DNM2: variants seen among roughly 807,000 people sequenced by gnomAD.
The protein encoded by DNM2 is dynamin-2.
A neutral mutation model predicts 99.0 loss-of-function variants in DNM2; 15 were observed. That is an observed-to-expected ratio of 0.15 (90% confidence interval 0.10 to 0.23). The LOEUF (loss-of-function observed/expected upper bound fraction) is 0.23. Ranked by LOEUF, DNM2 falls within the 10% of genes least tolerant of loss-of-function variation. DNM2 has a pLI of 1.00. For missense variants in DNM2, 742 were observed against 1,189.4 expected (o/e 0.62, Z 5.53); for synonymous variants, 525 against 481.2 (o/e 1.09, Z -1.19).
intron 5 of DNM2, among the ~76,000 whole-genome samples, chr19:10,777,752 G>A (rs2071201908): frequency 6.6e-6 from 1 of 151,902 alleles, no homozygotes; most frequent in Admixed American, 6.6e-5. Context: ...GCACCACCAC[G>A]CCCAGCTAGT....
chr19:10,749,769 A>T (rs1423565803), intron 1 of DNM2, among the ~76,000 whole-genome samples: 1 of 152,246 alleles, frequency 6.6e-6, no homozygotes, highest in Non-Finnish European at 1.5e-5. Context: ...CCAGGTGCAG[A>T]AGTCTTGGCG....
rs1405503756 is a variant in DNM2, at chr19:10,812,260, C to G, written c.1558-4C>G. The G allele has an allele frequency of 1.3e-6, 2 of 1,592,258 alleles. No individual in the cohort carries two copies. On this transcript the variant is annotated splice_region_variant and splice_polypyrimidine_tract_variant and intron_variant, in intron 14 of 20. Coordinates refer to ENST00000389253, the MANE Select transcript of DNM2 (RefSeq NM_001005361.3). The surrounding 1 kb of genome is among the most constrained non-coding windows in gnomAD (Gnocchi z 4.0). The stretch of plus-strand genomic sequence containing the variant: ...TCCCTGCTAAGCTGCGCGCTTTCCC[C>G]CAGGTGATCCGCAGGGGCTGGCTGA...
chr19:10,732,476 T>A (rs2069363213), intron 1 of DNM2, among the ~76,000 whole-genome samples: 2 of 151,528 alleles, frequency 1.3e-5, no homozygotes, highest in South Asian at 4.2e-4. Context: ...GGCGAGCGCC[T>A]GTAGTCCCAG....
intron 6 of DNM2, among the ~76,000 whole-genome samples, chr19:10,784,320 A>T (rs960912094): frequency 6.6e-6 from 1 of 152,186 alleles, no homozygotes; most frequent in Non-Finnish European, 1.5e-5. Flanking sequence ...GGGGGCCGGG[A>T]AAAGAGCCAC....
intron 6 of DNM2, among the ~76,000 whole-genome samples, chr19:10,783,689 TATTATTA>T (rs2071453264): frequency 7.4e-6 from 1 of 134,920 alleles, no homozygotes; most frequent in African/African-American, 2.5e-5. Context: ...TTATTATTAT[TATTATTA>T]TTATTATTAT....
intron 1 of DNM2, among the ~76,000 whole-genome samples, chr19:10,756,891 C>T (rs1278215648): frequency 6.6e-6 from 1 of 152,158 alleles, no homozygotes; most frequent in Non-Finnish European, 1.5e-5. Context: ...TGATGTCACT[C>T]ACATGAACCA....
rs1454572230 is a variant in DNM2, at chr19:10,765,103, G to A, written c.235+5292G>A. Among the ~76,000 whole-genome samples the A allele has an allele frequency of 2.6e-5, 4 of 152,020 alleles. No individual in the cohort carries two copies. Among genetic ancestry groups the A allele is most frequent in the East Asian group, 3.9e-4 (2 of 5,168 alleles). ...CTCCGGCGTAGCTGGGACTACAGGC[G>A]CCCGCCACCTCGCCCGGCTAATTTT... On this transcript the variant is annotated intron_variant, in intron 2 of 20. Coordinates refer to ENST00000389253, the MANE Select transcript of DNM2 (RefSeq NM_001005361.3). The surrounding 1 kb of genome is among the most constrained non-coding windows in gnomAD (Gnocchi z 4.4).
intron 1 of DNM2, among the ~76,000 whole-genome samples, chr19:10,728,485 G>T (rs972769435): frequency 6.6e-6 from 1 of 152,156 alleles, no homozygotes; most frequent in Non-Finnish European, 1.5e-5. Context: ...TGTATCTGAG[G>T]ACTGGGCCAA....
chr19:10,739,429 C>G (rs4804522), intron 1 of DNM2, among the ~76,000 whole-genome samples: 96,181 of 152,022 alleles, frequency 0.63, 30,651 homozygotes, highest in African/African-American at 0.68. Flanking sequence ...CCTCCCTCCC[C>G]CAGCACCTGG....
intron 8 of DNM2, among the ~76,000 whole-genome samples, chr19:10,794,222 A>G (rs2071849665): frequency 2.6e-5 from 4 of 152,210 alleles, no homozygotes; most frequent in Admixed American, 2.6e-4. Flanking sequence ...CTGAGCTGAT[A>G]TATACAACAT....
chr19:10,765,533 G>A lies in DNM2; in HGVS notation c.235+5722G>A, dbSNP rs898787880. On this transcript the variant is annotated intron_variant, in intron 2 of 20. Coordinates refer to ENST00000389253, the MANE Select transcript of DNM2 (RefSeq NM_001005361.3). The surrounding 1 kb of genome is among the most constrained non-coding windows in gnomAD (Gnocchi z 4.4). ...GAGCAGACCAAGCTGGCGTGCGTCAGGCTGTGGGCTGGCTGGGATGCCTGC... is the reference window on the plus strand; with the variant it reads ...GAGCAGACCAAGCTGGCGTGCGTCAAGCTGTGGGCTGGCTGGGATGCCTGC... Among the ~76,000 whole-genome samples, 2 of 152,248 alleles carry A rather than the reference G, an allele frequency of 1.3e-5. No individual in the cohort carries two copies. Among genetic ancestry groups the A allele is most frequent in the African/African-American group, 4.8e-5 (2 of 41,468 alleles).
rs1274228418 is a variant in DNM2 at position 10,823,864 on chromosome 19, T to C, written c.1858T>C (p.Phe620Leu). ...AGACGTGGACAGCTGGAAGGCCTCG[T>C]TCCTCCGAGCTGGCGTCTACCCCGA... ...QEDVDSWKAS[F>L]LRAGVYPEKD... The change falls in exon 17 of 21, where the codon TTC becomes CTC. Residue 620 changes from phenylalanine to leucine, a missense_variant. Transcript: ENST00000389253. 4.3e-6 allele frequency: 7 copies of C among 1,612,346 alleles called. No individual in the cohort carries two copies. In the African/African-American group the frequency reaches 6.7e-5, roughly 15 times the overall value.
At chr19:10,741,226 CTTTCTTTTTTCT>C (rs900289656) in intron 1 of DNM2, among the ~76,000 whole-genome samples, 4 of 152,024 alleles carry the variant, frequency 2.6e-5, no homozygotes, top group African/African-American at 9.7e-5. Context: ...AACTTTCTTT[CTTTCTTTTTTCT>C]TTTCTTTTTG....
chr19:10,726,532 CCTTT>C (rs2069121874), intron 1 of DNM2, among the ~76,000 whole-genome samples: 1 of 152,076 alleles, frequency 6.6e-6, no homozygotes, highest in Non-Finnish European at 1.5e-5. Flanking sequence ...GTTCCTGGTT[CCTTT>C]CTAAGTGGGA....
chr19:10,831,141 C>A lies in DNM2; in HGVS notation c.*94C>A, dbSNP rs1391947242. On this transcript the variant is annotated 3_prime_UTR_variant, in exon 21 of 21. Transcript: ENST00000389253. The surrounding 1 kb of genome is among the most constrained non-coding windows in gnomAD (Gnocchi z 4.3). The stretch of plus-strand genomic sequence containing the variant: ...GCCCTCCGCCGCCCCTATGCTGGGA[C>A]CAGGCTCCCAGTGGGCAGCCCTGGC... 6.1e-6 allele frequency: 9 copies of A among 1,474,028 alleles called. No homozygotes were observed. The highest frequency in any genetic ancestry group is 2.6e-5 in the East Asian group (1 of 38,398). The allele number at this position is 1,474,028 out of a possible 1,614,324, so 91.3% of individuals were successfully genotyped here. A position where few individuals can be genotyped will look rare whatever the true frequency, so the allele number is the denominator to read the frequency against.
intron 1 of DNM2, among the ~76,000 whole-genome samples, chr19:10,734,713 T>A (rs2069460329): frequency 6.6e-6 from 1 of 151,334 alleles, no homozygotes; most frequent in Non-Finnish European, 1.5e-5. Context: ...TGAGACTAAT[T>A]TAAAAAAAAA....
chr19:10,786,005 G>A (rs1240025481), intron 6 of DNM2, among the ~76,000 whole-genome samples: 1 of 151,840 alleles, frequency 6.6e-6, no homozygotes, highest in East Asian at 1.9e-4. Flanking sequence ...TCATTGTGTT[G>A]GCCAGGCTGG....
chr19:10,793,976 G>T (rs531481565), intron 8 of DNM2, 121 bp downstream of exon 8: 1 of 1,530,816 alleles, frequency 6.5e-7, no homozygotes, highest in South Asian at 1.1e-5. Context: ...TGAACTTGTG[G>T]TGGGCAGGGT....
chr19:10,794,915 GT>G (rs1192779441), intron 8 of DNM2, among the ~76,000 whole-genome samples: 1 of 152,002 alleles, frequency 6.6e-6, no homozygotes, highest in Non-Finnish European at 1.5e-5. Context: ...TAATTAATTT[GT>G]TTGTTTATTT....
Sources: gnomAD v4.1 joint callset for allele counts (sites outside exome capture counted in the v4.1 genomes callset) on GRCh38, gnomAD v4.1.1 for gene constraint, Gnocchi (gnomAD v3.1) non-coding constraint, MANE v1.5 for transcripts, NCBI Gene and HGNC (gene_info 2026-07-23, HGNC 2026-07-21) for gene names.